KIF25: variants seen among roughly 807,000 people sequenced by gnomAD.
The protein encoded by KIF25 is kinesin-like protein KIF25.
In KIF25, 19 loss-of-function variants were observed where a neutral mutation model predicts 32.9. The observed-to-expected ratio is 0.58, with a 90% CI of 0.40 to 0.85. The LOEUF is 0.85. Among genes scored for constraint, KIF25 ranks in the 40% least tolerant of loss-of-function variants. KIF25 has a pLI of 0.00. For synonymous variants in KIF25, 225 were observed against 213.7 expected (o/e 1.05, Z -0.46); for missense variants, 485 against 507.0 (o/e 0.96, Z 0.42).
At chr6:168,015,534 G>A (rs1320493966) in intron 4 of KIF25, among the ~76,000 whole-genome samples, 1 of 152,168 alleles carries the variant, frequency 6.6e-6, no homozygotes, top group Non-Finnish European at 1.5e-5. Flanking sequence ...GGGGCCATGC[G>A]TCCCCCATGC....
In KIF25 at chr6:168,042,964, G is replaced by C. The variant is rs144862211; in HGVS notation, c.985+248G>C. ...CCTGGTTGGGGCTCAGTTTCTCAAG[G>C]GTGGCAGCCCTGGCCTTTCTCTTCA... is the stretch of plus-strand genomic sequence containing the variant. On this transcript the variant is annotated intron_variant, in intron 12 of 12. Coordinates refer to ENST00000643607, the MANE Select transcript of KIF25 (RefSeq NM_030615.4). 2.8e-4 allele frequency among the ~76,000 whole-genome samples: 42 copies of C among 152,244 alleles called. No homozygotes were observed. The East Asian group carries it at 7.5e-3, about 27-fold the overall frequency.
At chr6:168,026,756 G>A (rs1377740565) in intron 5 of KIF25, among the ~76,000 whole-genome samples, 1 of 152,168 alleles carries the variant, frequency 6.6e-6, no homozygotes. Flanking sequence ...TAATGCCACT[G>A]ATCCAAAATG....
chr6:168,003,389 TC>T (rs1562379603), intron 3 of KIF25, among the ~76,000 whole-genome samples: 2 of 151,890 alleles, frequency 1.3e-5, no homozygotes, highest in Non-Finnish European at 2.9e-5. Flanking sequence ...GAAGGGTGGA[TC>T]CATGCACACA....
At position 168,038,716 on chromosome 6, in the gene KIF25, C is replaced by G. The variant is rs769947009; in HGVS notation, c.481C>G (p.Leu161Val). The change falls in exon 9 of 13, where the codon CTG (leucine) becomes GTG (valine). Residue 161 changes from leucine to valine, a missense_variant. Physicochemically the swap from Leu to Val is conservative, Grantham distance 32 (BLOSUM62 1). Coordinates refer to ENST00000643607, the MANE Select transcript of KIF25 (RefSeq NM_030615.4). The part of the protein sequence containing the change: ...TAKDGRTEVA[L>V]LASEAVGSAS... ...CAAGGATGGACGGACAGAGGTTGCG[C>G]TGCTGGCCTCTGAGTGAGTACTGCA... The G allele has an allele frequency of 1.3e-5, 21 of 1,613,332 alleles. No homozygotes were observed. In the African/African-American group the frequency reaches 2.8e-4, roughly 22 times the overall value.
chr6:168,037,667 CT>C (rs1469564390), intron 8 of KIF25, among the ~76,000 whole-genome samples: 25 of 152,158 alleles, frequency 1.6e-4, no homozygotes, highest in African/African-American at 6.0e-4. Context: ...CTCTCTCTCT[CT>C]CTGTAGTATC....
chr6:168,005,349 C>T (rs57161854), intron 4 of KIF25, among the ~76,000 whole-genome samples: 6,866 of 152,210 alleles, frequency 0.045, 284 homozygotes, highest in African/African-American at 0.11. Context: ...CAGAGCCCCC[C>T]GGAAAATGAA....
At chr6:168,003,353 G>T (rs1359529927) in intron 3 of KIF25, among the ~76,000 whole-genome samples, 1 of 152,180 alleles carries the variant, frequency 6.6e-6, no homozygotes, top group Non-Finnish European at 1.5e-5. Flanking sequence ...GGTCCAAAAG[G>T]ACGAGTGGAG....
In KIF25 at chr6:168,044,876, G is replaced by C. The variant is rs1799195578; in HGVS notation, c.1035G>C (p.Arg345Ser). ...TTCTCTGCATTTCTCCCAGCCAGAG[G>C]CACCTGGCACAGACGTTGCAGGGCC... Reference protein sequence around the residue: ...LVILCISPSQRHLAQTLQGLG... With the variant: ...LVILCISPSQSHLAQTLQGLG... Residue 345 changes from arginine (R) to serine (S), a missense_variant, in exon 13 of 13, where the codon AGG (arginine) becomes AGC (serine). By Grantham distance (110) the Arg-to-Ser change is moderately radical. Around this residue, in one of 2 missense-constraint regions of KIF25, gnomAD observed 480 missense variants for 470.3 expected, o/e 1.02. Transcript: ENST00000643607. The C allele has an allele frequency of 1.9e-6, 3 of 1,609,458 alleles. No individual in the cohort carries two copies. In the South Asian group the frequency reaches 3.3e-5, roughly 18 times the overall value.
chr6:168,011,564 C>T (rs942185760), intron 4 of KIF25, among the ~76,000 whole-genome samples: 1 of 152,196 alleles, frequency 6.6e-6, no homozygotes, highest in Non-Finnish European at 1.5e-5. Flanking sequence ...GAGAAATCCA[C>T]TGTTGGTTTA....
Position 168,043,088 on chromosome 6 carries a change from C to T in KIF25, c.985+372C>T, listed in dbSNP as rs956761293. On this transcript the variant is annotated intron_variant, in intron 12 of 12. Coordinates refer to ENST00000643607, the MANE Select transcript of KIF25 (RefSeq NM_030615.4). ...GTAGACCTGCTTAGGCCCCAAGTTC[C>T]TTGGGTCTTTTGGGGGCAGGTGCCA... Among the ~76,000 whole-genome samples, 77 of 152,214 alleles carry T rather than the reference C, an allele frequency of 5.1e-4. 1 individual carries two copies. Among genetic ancestry groups the T allele is most frequent in the African/African-American group, 1.8e-3 (73 of 41,554 alleles).
At chr6:168,033,795 A>C in intron 7 of KIF25, 87 bp from the exon 8 acceptor site, 2 of 1,361,528 alleles carry the variant, frequency 1.5e-6, no homozygotes, top group Middle Eastern at 3.7e-4. Flanking sequence ...AAATGTATTG[A>C]AGTTTCTCAT....
chr6:168,014,691 C>T (rs145275529), intron 4 of KIF25, among the ~76,000 whole-genome samples: 3 of 152,340 alleles, frequency 2.0e-5, no homozygotes, highest in Admixed American at 6.5e-5. Context: ...AGCATTTCAT[C>T]GTTTGGATTC....
intron 5 of KIF25, among the ~76,000 whole-genome samples, chr6:168,018,366 G>T (rs947190503): frequency 2.0e-5 from 3 of 152,098 alleles, no homozygotes; most frequent in African/African-American, 7.2e-5. Context: ...AGGCTAATGT[G>T]TGTGTTCTGG....
chr6:168,004,161 C>T (rs1330258026), intron 4 of KIF25, among the ~76,000 whole-genome samples: 3 of 152,156 alleles, frequency 2.0e-5, no homozygotes, highest in African/African-American at 7.2e-5. Context: ...GAGTACCAAG[C>T]CCACTGCAGG....
At chr6:168,041,812 A>C (rs1277683746) in intron 10 of KIF25, among the ~76,000 whole-genome samples, 157 bp from the exon 11 acceptor site, 1 of 152,242 alleles carries the variant, frequency 6.6e-6, no homozygotes, top group Non-Finnish European at 1.5e-5. Context: ...AGAAGCCACT[A>C]TCCCCTGGAC....
chr6:168,016,290 G>A (rs924616191), intron 4 of KIF25, among the ~76,000 whole-genome samples: 5 of 152,198 alleles, frequency 3.3e-5, no homozygotes, highest in Admixed American at 1.3e-4. Flanking sequence ...TGCAGGTTCC[G>A]AAACAGTTTC....
At chr6:168,023,269 C>CTTTT (rs34667438) in intron 5 of KIF25, among the ~76,000 whole-genome samples, 2 of 111,924 alleles carry the variant, frequency 1.8e-5, no homozygotes, top group African/African-American at 3.2e-5. Flanking sequence ...TTCCTTCTTC[C>CTTTT]TTTTTTTTTT....
intron 2 of KIF25, among the ~76,000 whole-genome samples, chr6:168,001,612 GC>G (rs11316972): frequency 0.052 from 3,539 of 67,648 alleles, 61 homozygotes; most frequent in African/African-American, 0.069. Flanking sequence ...GACACCTGAG[GC>G]CGTGGCCTCG....
At chr6:168,042,177 G>A (rs1354494535) in intron 11 of KIF25, 26 bp downstream of exon 11, 3 of 1,542,068 alleles carry the variant, frequency 1.9e-6, no homozygotes, top group African/African-American at 2.7e-5. Flanking sequence ...CATTTCCCTG[G>A]GGGGTGGGTG....
Sources: allele counts gnomAD v4.1 joint callset (sites outside exome capture counted in the v4.1 genomes callset), GRCh38; gene constraint gnomAD v4.1.1; regional missense constraint gnomAD v4.1.1; transcripts MANE v1.5; gene names NCBI Gene and HGNC (gene_info 2026-07-23, HGNC 2026-07-21).